STX8: variants seen among roughly 807,000 people sequenced by gnomAD.
The protein encoded by STX8 is syntaxin 8, also known as syntaxin-8.
In STX8, 23 loss-of-function variants were observed where a neutral mutation model predicts 37.5. The ratio of observed to expected loss-of-function variants is 0.61; its 90% CI spans 0.44 to 0.87. The LOEUF is 0.87. Among genes scored for constraint, STX8 ranks in the 40% least tolerant of loss-of-function variants. The probability of loss-of-function intolerance (pLI) is 0.00; values close to 1 mark genes in which losing one functional copy is unlikely to be tolerated. For missense variants in STX8, 313 were observed against 284.7 expected (o/e 1.10, Z -0.71); for synonymous variants, 115 against 99.1 (o/e 1.16, Z -0.95).
intron 4 of STX8, among the ~76,000 whole-genome samples, chr17:9,527,006 C>T (rs1250317018): frequency 6.0e-5 from 9 of 148,852 alleles, no homozygotes; most frequent in South Asian, 4.3e-4. Context: ...GGTGAAACCC[C>T]GTCTCTACTA....
chr17:9,420,899 C>T (rs1236444481), intron 6 of STX8, among the ~76,000 whole-genome samples: 1 of 152,180 alleles, frequency 6.6e-6, no homozygotes, highest in Non-Finnish European at 1.5e-5. Flanking sequence ...CATTTACGTG[C>T]ATGTGCCTTT....
intron 6 of STX8, among the ~76,000 whole-genome samples, chr17:9,383,577 C>T (rs558358849): frequency 5.9e-5 from 9 of 152,286 alleles, no homozygotes; most frequent in South Asian, 4.1e-4. Flanking sequence ...AAGGCTATGA[C>T]GTCTATTCTG....
intron 7 of STX8, among the ~76,000 whole-genome samples, chr17:9,314,437 T>A (rs191708269): frequency 6.6e-6 from 1 of 152,066 alleles, no homozygotes. Flanking sequence ...TCACTCTCTC[T>A]CCCAGTCTGG....
In STX8 at chr17:9,547,795, TTGTTTTG is replaced by T. The variant is rs1567606199; in HGVS notation, c.213-2520_213-2514del. On this transcript the variant is annotated intron_variant, in intron 3 of 7. Transcript: ENST00000306357. ...TTCTTTTCTTTTCTTTTTTTTTTTT[TTGTTTTG>T]TTTTGTTAAGATGGAGTCTTGCTCT... Among the ~76,000 whole-genome samples the T allele has an allele frequency of 4.2e-4, 54 of 129,078 alleles. 1 individual carries two copies. Among genetic ancestry groups the T allele is most frequent in the African/African-American group, 1.8e-3 (51 of 29,136 alleles). The allele number at this position is 129,078 out of a possible 152,430, so 84.7% of individuals were successfully genotyped here. A position where few individuals can be genotyped will look rare whatever the true frequency, so the allele number is the denominator to read the frequency against.
At chr17:9,494,615 C>CAAAAAAAAAAAAA (rs35806606) in intron 5 of STX8, among the ~76,000 whole-genome samples, 1 of 64,290 alleles carries the variant, frequency 1.6e-5, no homozygotes, top group Non-Finnish European at 2.7e-5. Flanking sequence ...GAACCTGTCT[C>CAAAAAAAAAAAAA]AAAAAAAAAA....
intron 6 of STX8, 131 bp from the exon 7 acceptor site, chr17:9,378,784 C>A: frequency 4.8e-6 from 3 of 623,722 alleles, no homozygotes; most frequent in Non-Finnish European, 8.5e-6. Context: ...GAACTCATGT[C>A]GATTCTTTGA....
At chr17:9,344,524 G>C (rs1882679274) in intron 7 of STX8, among the ~76,000 whole-genome samples, 1 of 152,050 alleles carries the variant, frequency 6.6e-6, no homozygotes, top group Admixed American at 6.6e-5. Flanking sequence ...GCCTCCCAAA[G>C]TGCTGGGATT....
At chr17:9,408,838 C>G (rs147460831) in intron 6 of STX8, among the ~76,000 whole-genome samples, 3 of 152,190 alleles carry the variant, frequency 2.0e-5, no homozygotes, top group African/African-American at 7.2e-5. Context: ...CCAGAAAAGT[C>G]TACGTGAGGG....
chr17:9,525,543 T>C (rs1309831937), intron 4 of STX8, among the ~76,000 whole-genome samples: 1 of 152,026 alleles, frequency 6.6e-6, no homozygotes, highest in African/African-American at 2.4e-5. Context: ...AGACGGGGTT[T>C]CACCGTGTTA....
At chr17:9,565,382 G>A (rs7405930) in intron 2 of STX8, among the ~76,000 whole-genome samples, 102,164 of 151,912 alleles carry the variant, frequency 0.67, 37,489 homozygotes, top group East Asian at 0.98. Flanking sequence ...TTGGGAGGCC[G>A]AGGCGGGCAG....
chr17:9,331,663 C>T (rs769406501), intron 7 of STX8, among the ~76,000 whole-genome samples: 6 of 152,170 alleles, frequency 3.9e-5, no homozygotes, highest in African/African-American at 9.7e-5. Flanking sequence ...CAATTTGCAT[C>T]GCCAATGCTG....
At chr17:9,557,401 C>G (rs923638146) in intron 3 of STX8, 33 bp downstream of exon 3, 2 of 1,564,484 alleles carry the variant, frequency 1.3e-6, no homozygotes, top group Admixed American at 1.7e-5. Context: ...TCCTCCCACT[C>G]TAGAAAAGAG....
chr17:9,419,628 G>A (rs190521298), intron 6 of STX8, among the ~76,000 whole-genome samples: 1 of 152,296 alleles, frequency 6.6e-6, no homozygotes, highest in African/African-American at 2.4e-5. Context: ...ATTGCATGGT[G>A]AAAACCTTTC....
intron 6 of STX8, among the ~76,000 whole-genome samples, chr17:9,389,760 CAA>C (rs1912146757): frequency 7.1e-6 from 1 of 141,146 alleles, no homozygotes; most frequent in African/African-American, 2.7e-5. Flanking sequence ...TATTTGAAGA[CAA>C]ATGTTAAAAA....
intron 6 of STX8, among the ~76,000 whole-genome samples, chr17:9,416,901 A>G (rs1913218242): frequency 6.6e-6 from 1 of 152,194 alleles, no homozygotes. Context: ...TCATTATTGT[A>G]GAAGTCAAGA....
At chr17:9,273,036 AAAG>A (rs1439310112) in intron 7 of STX8, among the ~76,000 whole-genome samples, 1 of 152,238 alleles carries the variant, frequency 6.6e-6, no homozygotes, top group Non-Finnish European at 1.5e-5. Flanking sequence ...TAACAACAAC[AAAG>A]AAGGAAGGGG....
chr17:9,469,351 C>T (rs879419663), intron 6 of STX8: 2 of 117,154 alleles, frequency 1.7e-5, no homozygotes, highest in Non-Finnish European at 3.6e-5. Context: ...TCTGTTTCAT[C>T]TCTCTCTCTC....
intron 7 of STX8, among the ~76,000 whole-genome samples, chr17:9,257,238 A>G (rs7359572): frequency 0.27 from 41,563 of 152,136 alleles, 5,953 homozygotes; most frequent in Admixed American, 0.35. Context: ...AGCTCATGGC[A>G]ATTAAAAAAA....
intron 6 of STX8, among the ~76,000 whole-genome samples, chr17:9,449,395 C>A (rs1299186117): frequency 6.6e-5 from 10 of 152,172 alleles, no homozygotes; most frequent in African/African-American, 2.2e-4. Context: ...CCCGTCTCCA[C>A]TAAAAATACA....
Sources: allele counts gnomAD v4.1 joint callset (sites outside exome capture counted in the v4.1 genomes callset), GRCh38; gene constraint gnomAD v4.1.1; transcripts MANE v1.5; gene names NCBI Gene and HGNC (gene_info 2026-07-23, HGNC 2026-07-21).